The following CAMKMT variants were observed in gnomAD, a reference collection of about 807,000 sequenced individuals.
CAMKMT encodes the protein CaM KMT.
In CAMKMT, 53 loss-of-function variants were observed where a neutral mutation model predicts 48.0. The observed-to-expected ratio is 1.10, with a 90% CI of 0.89 to 1.39. CAMKMT has a LOEUF of 1.39. Among genes scored for constraint, CAMKMT ranks in the 40% most tolerant of loss-of-function variants. The probability of loss-of-function intolerance (pLI) is 0.00; values close to 1 mark genes in which losing one functional copy is unlikely to be tolerated. For synonymous variants in CAMKMT, 165 were observed against 152.3 expected, an observed-to-expected ratio of 1.08 and a Z score of -0.61; for missense variants, 428 against 402.7, an observed-to-expected ratio of 1.06 and a Z score of -0.54.
chr2:44,731,213 T>C (rs1316577538), intron 7 of CAMKMT, among the ~76,000 whole-genome samples: 1 of 152,138 alleles, frequency 6.6e-6, no homozygotes, highest in Non-Finnish European at 1.5e-5. Flanking sequence ...TGGTAGCACA[T>C]GCCTGTAATT....
chr2:44,453,143 C>T (rs1205054144), intron 3 of CAMKMT, among the ~76,000 whole-genome samples: 1 of 151,874 alleles, frequency 6.6e-6, no homozygotes, highest in Non-Finnish European at 1.5e-5. Context: ...TTTGGTGTGC[C>T]TTGTGTTGTA....
intron 3 of CAMKMT, among the ~76,000 whole-genome samples, chr2:44,402,916 A>C (rs1442951553): frequency 7.2e-6 from 1 of 138,362 alleles, no homozygotes; most frequent in Non-Finnish European, 1.6e-5. Context: ...TGAAGATATT[A>C]CTGAAAGTTT....
intron 3 of CAMKMT, among the ~76,000 whole-genome samples, chr2:44,517,739 C>G (rs576051804): frequency 3.3e-5 from 5 of 152,262 alleles, no homozygotes; most frequent in East Asian, 1.9e-4. Context: ...TCTCAAGGCC[C>G]TGATGCTACT....
intron 3 of CAMKMT, among the ~76,000 whole-genome samples, chr2:44,533,596 C>T (rs1184603244): frequency 2.6e-5 from 4 of 152,158 alleles, no homozygotes; most frequent in Non-Finnish European, 5.9e-5. Flanking sequence ...TAAATTCTTT[C>T]CCAGGCATGC....
At chr2:44,388,853 A>ACTGT (rs1558566045) in intron 2 of CAMKMT, among the ~76,000 whole-genome samples, 2 of 152,138 alleles carry the variant, frequency 1.3e-5, no homozygotes, top group South Asian at 4.2e-4. Flanking sequence ...TGTGATGTGA[A>ACTGT]CTGTCTATGG....
At chr2:44,437,484 T>G (rs889648043) in intron 3 of CAMKMT, among the ~76,000 whole-genome samples, 13 of 141,242 alleles carry the variant, frequency 9.2e-5, no homozygotes, top group Middle Eastern at 3.5e-3. Context: ...ATTTAATTCC[T>G]TTATGTCCAT....
intron 3 of CAMKMT, among the ~76,000 whole-genome samples, chr2:44,503,566 A>G (rs968251946): frequency 2.0e-5 from 3 of 152,160 alleles, no homozygotes; most frequent in Non-Finnish European, 2.9e-5. Context: ...GACCTTTGAG[A>G]TGAAAATTTT....
intron 3 of CAMKMT, chr2:44,456,578 C>A: frequency 1.4e-5 from 21 of 1,549,580 alleles, no homozygotes; most frequent in Non-Finnish European, 1.7e-5. Context: ...GGGAAGCAAC[C>A]AGGGGAAAAT....
chr2:44,541,966 T>G (rs1353692212), intron 3 of CAMKMT, among the ~76,000 whole-genome samples: 1 of 151,558 alleles, frequency 6.6e-6, no homozygotes, highest in East Asian at 2.0e-4. Context: ...CTGTCTCTAC[T>G]AAAAATACAA....
intron 10 of CAMKMT, 123 bp from the exon 11 acceptor site, chr2:44,771,913 A>T: frequency 1.7e-6 from 1 of 604,354 alleles, no homozygotes; most frequent in Non-Finnish European, 2.8e-6. Context: ...CTTTTCTGTG[A>T]TTTATTTTTC....
At chr2:44,573,852 A>G (rs183279763) in intron 3 of CAMKMT, among the ~76,000 whole-genome samples, 1 of 152,318 alleles carries the variant, frequency 6.6e-6, no homozygotes. Flanking sequence ...AACCTCTACC[A>G]TATACTGTAT....
chr2:44,722,103 C>T (rs1170405326), intron 7 of CAMKMT, among the ~76,000 whole-genome samples: 3 of 151,610 alleles, frequency 2.0e-5, no homozygotes, highest in South Asian at 2.1e-4. Context: ...GGTACTATTC[C>T]ATTGTATGGA....
chr2:44,529,238 A>C (rs1179794099), intron 3 of CAMKMT, among the ~76,000 whole-genome samples: 1 of 152,144 alleles, frequency 6.6e-6, no homozygotes, highest in Non-Finnish European at 1.5e-5. Flanking sequence ...TTTTTAACCT[A>C]TTTCATGTGT....
chr2:44,521,386 C>T (rs1420094207), intron 3 of CAMKMT, among the ~76,000 whole-genome samples: 2 of 152,124 alleles, frequency 1.3e-5, no homozygotes, highest in African/African-American at 2.4e-5. Flanking sequence ...TCAAGCGATT[C>T]CTGTGCCTCA....
intron 3 of CAMKMT, among the ~76,000 whole-genome samples, chr2:44,609,137 C>T (rs1671461472): frequency 6.6e-6 from 1 of 152,144 alleles, no homozygotes; most frequent in South Asian, 2.1e-4. Flanking sequence ...TAGCTCGTGT[C>T]CTAAGAAAGT....
rs186630511 is a variant in CAMKMT, at chr2:44,598,025, G to T, written c.377-106258G>T. Among the ~76,000 whole-genome samples the T allele has an allele frequency of 3.2e-3, 483 of 152,100 alleles. 11 individuals carry two copies. Among genetic ancestry groups the T allele is most frequent in the African/African-American group, 0.011 (468 of 41,474 alleles). On this transcript the variant is annotated intron_variant, in intron 3 of 10. Coordinates refer to ENST00000378494, the MANE Select transcript of CAMKMT (RefSeq NM_024766.5). ...GCTGGGATTACAGGTGTGAGCCACC[G>T]CACCCAGCCTATGCTTCCTTATTAA...
At chr2:44,467,554 A>C (rs1225343401) in intron 3 of CAMKMT, among the ~76,000 whole-genome samples, 1 of 152,022 alleles carries the variant, frequency 6.6e-6, no homozygotes, top group African/African-American at 2.4e-5. Flanking sequence ...AAAAAAACAA[A>C]AAAAAACAAA....
At chr2:44,712,505 GA>G (rs1361338120) in intron 6 of CAMKMT, among the ~76,000 whole-genome samples, 1 of 152,044 alleles carries the variant, frequency 6.6e-6, no homozygotes, top group African/African-American at 2.4e-5. Context: ...AAACAAAATT[GA>G]AATGGAGCCC....
intron 3 of CAMKMT, among the ~76,000 whole-genome samples, chr2:44,633,871 G>T (rs1166964508): frequency 6.6e-6 from 1 of 151,934 alleles, no homozygotes; most frequent in African/African-American, 2.4e-5. Context: ...TTTTGTTTTG[G>T]TAGTCAGTTA....
Sources: allele counts gnomAD v4.1 joint callset (sites outside exome capture counted in the v4.1 genomes callset), GRCh38; gene constraint gnomAD v4.1.1; transcripts MANE v1.5; gene names NCBI Gene and HGNC (gene_info 2026-07-23, HGNC 2026-07-21).